Variants in CDH18 observed in about 807,000 individuals in gnomAD.
The protein encoded by CDH18 is cadherin 18, also known as cadherin-18.
A neutral mutation model predicts 67.9 loss-of-function variants in CDH18; 31 were observed. That is an observed-to-expected ratio of 0.46 (90% CI 0.34 to 0.62). The LOEUF is 0.62. CDH18 is among the 20% of genes least tolerant of loss of function. The pLI is 0.01. For synonymous variants in CDH18, 362 were observed against 347.2 expected (o/e 1.04, Z -0.48); for missense variants, 890 against 975.5 (o/e 0.91, Z 1.17).
intron 7 of CDH18, among the ~76,000 whole-genome samples, chr5:19,580,308 C>A (rs562008919): frequency 8.6e-5 from 13 of 151,734 alleles, no homozygotes; most frequent in Non-Finnish European, 1.6e-4. Flanking sequence ...AAAGTTGGTT[C>A]TTTTTAATTT....
At chr5:19,603,364 G>A (rs1747474657) in intron 6 of CDH18, among the ~76,000 whole-genome samples, 2 of 151,996 alleles carry the variant, frequency 1.3e-5, no homozygotes, top group Non-Finnish European at 2.9e-5. Flanking sequence ...GAGGGAAAAT[G>A]GGAAAGTACC....
chr5:20,559,743 CT>C (rs1267446288), intron 1 of CDH18, among the ~76,000 whole-genome samples: 2 of 151,968 alleles, frequency 1.3e-5, no homozygotes, highest in African/African-American at 2.4e-5. Context: ...CAAGAAATCA[CT>C]GTCTAAGCGC....
intron 3 of CDH18, among the ~76,000 whole-genome samples, chr5:19,775,438 C>A (rs766586121): frequency 1.3e-5 from 2 of 152,074 alleles, no homozygotes; most frequent in African/African-American, 2.4e-5. Flanking sequence ...ACTGTGGATG[C>A]GGAATCTGCT....
intron 1 of CDH18, among the ~76,000 whole-genome samples, chr5:20,549,988 A>G (rs1233141300): frequency 2.0e-5 from 3 of 152,166 alleles, no homozygotes; most frequent in Non-Finnish European, 2.9e-5. Flanking sequence ...TAATGTATCT[A>G]AAATATTTGA....
At chr5:19,927,845 T>C (rs982439482) in intron 2 of CDH18, among the ~76,000 whole-genome samples, 4 of 152,158 alleles carry the variant, frequency 2.6e-5, no homozygotes, top group Non-Finnish European at 5.9e-5. Flanking sequence ...GCAAGTAAAT[T>C]GTACTCTCTG....
At chr5:20,072,128 T>C (rs1743531323) in intron 2 of CDH18, among the ~76,000 whole-genome samples, 1 of 152,080 alleles carries the variant, frequency 6.6e-6, no homozygotes, top group African/African-American at 2.4e-5. Flanking sequence ...CTATATTCCA[T>C]CTTAGATCCC....
intron 1 of CDH18, among the ~76,000 whole-genome samples, chr5:20,452,254 AT>A (rs1750505663): frequency 1.3e-5 from 2 of 152,174 alleles, no homozygotes; most frequent in African/African-American, 4.8e-5. Context: ...TCTTCAGCAC[AT>A]TAAACAAATT....
At chr5:20,496,806 G>A (rs1184189785) in intron 1 of CDH18, among the ~76,000 whole-genome samples, 10 of 152,028 alleles carry the variant, frequency 6.6e-5, no homozygotes, top group Admixed American at 3.3e-4. Context: ...CTAACCTTAC[G>A]TAGCTTTCAG....
intron 1 of CDH18, among the ~76,000 whole-genome samples, chr5:20,273,381 T>C (rs1318247332): frequency 1.3e-5 from 2 of 152,000 alleles, no homozygotes; most frequent in Non-Finnish European, 2.9e-5. Flanking sequence ...TAAAAATACA[T>C]ATACTTATGA....
intron 2 of CDH18, among the ~76,000 whole-genome samples, chr5:19,871,351 T>C (rs1331077056): frequency 2.6e-5 from 4 of 152,098 alleles, no homozygotes; most frequent in Non-Finnish European, 4.4e-5. Flanking sequence ...TCATATACTA[T>C]TCTAAAGTCT....
intron 2 of CDH18, among the ~76,000 whole-genome samples, chr5:20,045,394 C>T (rs943816060): frequency 2.6e-5 from 4 of 151,990 alleles, no homozygotes; most frequent in African/African-American, 7.2e-5. Flanking sequence ...GAAATGAGAA[C>T]GCAACAGTGA....
At chr5:19,706,708 C>G (rs865948844) in intron 5 of CDH18, among the ~76,000 whole-genome samples, 1 of 152,190 alleles carries the variant, frequency 6.6e-6, no homozygotes, top group Non-Finnish European at 1.5e-5. Flanking sequence ...CCAGGCTATA[C>G]TAGCCAAATT....
At chr5:19,658,997 T>C (rs1351081419) in intron 5 of CDH18, among the ~76,000 whole-genome samples, 1 of 152,060 alleles carries the variant, frequency 6.6e-6, no homozygotes, top group Admixed American at 6.6e-5. Flanking sequence ...ATGTCCTTTG[T>C]AGGGACATGG....
intron 2 of CDH18, among the ~76,000 whole-genome samples, chr5:20,221,772 T>TA (rs1164862526): frequency 6.6e-6 from 1 of 151,962 alleles, no homozygotes; most frequent in Non-Finnish European, 1.5e-5. Context: ...AAAATAAAAA[T>TA]AAAAAATAAA....
intron 12 of CDH18, among the ~76,000 whole-genome samples, chr5:19,474,320 G>A (rs895790572): frequency 6.6e-6 from 1 of 152,022 alleles, no homozygotes; most frequent in African/African-American, 2.4e-5. Context: ...ACAAAATAAT[G>A]TTTCATTATT....
chr5:20,041,444 C>T (rs1037885367), intron 2 of CDH18, among the ~76,000 whole-genome samples: 1 of 152,154 alleles, frequency 6.6e-6, no homozygotes, highest in African/African-American at 2.4e-5. Context: ...ACTTCTCATA[C>T]CACATTTATA....
At chr5:19,931,451 T>G (rs1793682997) in intron 2 of CDH18, among the ~76,000 whole-genome samples, 3 of 151,924 alleles carry the variant, frequency 2.0e-5, no homozygotes, top group African/African-American at 7.2e-5. Flanking sequence ...CCCTGTAATG[T>G]GGTTAAAATT....
intron 2 of CDH18, among the ~76,000 whole-genome samples, chr5:19,976,387 G>T (rs1456629642): frequency 6.6e-6 from 1 of 151,724 alleles, no homozygotes; most frequent in Non-Finnish European, 1.5e-5. Context: ...ACACAAACAC[G>T]CACATACACA....
intron 6 of CDH18, among the ~76,000 whole-genome samples, chr5:19,610,989 T>C (rs1748860098): frequency 6.6e-6 from 1 of 152,194 alleles, no homozygotes; most frequent in Non-Finnish European, 1.5e-5. Context: ...ACTATGACTA[T>C]GATTTGCATG....
Sources: gnomAD v4.1 joint callset for allele counts (sites outside exome capture counted in the v4.1 genomes callset) on GRCh38, gnomAD v4.1.1 for gene constraint, MANE v1.5 for transcripts, NCBI Gene and HGNC (gene_info 2026-07-23, HGNC 2026-07-21) for gene names.